ZNF560: variants seen among roughly 807,000 people sequenced by gnomAD.
ZNF560 encodes zinc finger protein 560.
A neutral mutation model predicts 81.8 loss-of-function variants in ZNF560; 54 were observed. The observed-to-expected ratio is 0.66, with a 90% CI of 0.53 to 0.83. The LOEUF is 0.83. Among genes scored for constraint, ZNF560 ranks in the 40% least tolerant of loss-of-function variants. The pLI, the probability that ZNF560 is intolerant of heterozygous loss-of-function variation, is 0.00. For missense variants in ZNF560, 940 were observed against 932.4 expected (o/e 1.01, Z -0.11); for synonymous variants, 321 against 317.9 (o/e 1.01, Z -0.10).
chr19:9,478,866 C>A (rs78580488), intron 2 of ZNF560, among the ~76,000 whole-genome samples: 7,040 of 147,898 alleles, frequency 0.048, 529 homozygotes, highest in African/African-American at 0.16. Context: ...TAAAAAAAAA[C>A]CCCACAAAAC....
intron 7 of ZNF560, 124 bp downstream of exon 7, chr19:9,470,268 A>AT (rs935635390): frequency 1.3e-5 from 16 of 1,258,888 alleles, no homozygotes; most frequent in Non-Finnish European, 1.6e-5. Context: ...ATTAAAAAAA[A>AT]TTTTTTTTCA....
intron 2 of ZNF560, among the ~76,000 whole-genome samples, chr19:9,482,995 C>T (rs1285378445): frequency 6.6e-6 from 1 of 152,162 alleles, no homozygotes; most frequent in Admixed American, 6.5e-5. Context: ...AGTGCAGTGG[C>T]GTGATCTTGG....
intron 2 of ZNF560, among the ~76,000 whole-genome samples, chr19:9,489,413 G>C (rs1003255631): frequency 1.3e-5 from 2 of 151,144 alleles, no homozygotes; most frequent in African/African-American, 4.9e-5. Flanking sequence ...TGTGGTGGCT[G>C]AGCAGAGGCG....
the ZNF560 span, among the ~76,000 whole-genome samples, chr19:9,446,265 T>C: frequency 6.6e-5 from 10 of 151,974 alleles, no homozygotes; most frequent in African/African-American, 9.7e-5. Context: ...ATTCTTCAAA[T>C]AGCTGATGCA....
intron 2 of ZNF560, among the ~76,000 whole-genome samples, chr19:9,483,621 A>C (rs2073336230): frequency 7.2e-6 from 1 of 138,938 alleles, no homozygotes. Context: ...CCCGTCTGGG[A>C]GGGAGGTGGG....
At chr19:9,459,302 A>G in the ZNF560 span, among the ~76,000 whole-genome samples, 1 of 152,234 alleles carries the variant, frequency 6.6e-6, no homozygotes, top group Non-Finnish European at 1.5e-5. Context: ...CAGCAGCTGA[A>G]AAACATTTAC....
chr19:9,455,049 G>A, the ZNF560 span, among the ~76,000 whole-genome samples: 2 of 152,068 alleles, frequency 1.3e-5, no homozygotes, highest in Non-Finnish European at 2.9e-5. Flanking sequence ...AACTGTTCGA[G>A]CAGAGCCCCG....
In ZNF560 at chr19:9,466,745, G is replaced by A. The variant is rs745493105; in HGVS notation, c.2202C>T (p.His734=). 1 of 1,614,134 alleles carries A rather than the reference G, an allele frequency of 6.2e-7. No homozygotes were observed. Among genetic ancestry groups the A allele is most frequent in the Non-Finnish European group, 8.5e-7 (1 of 1,180,006 alleles). Residue 734 remains histidine (H), a synonymous_variant, in exon 10 of 10, where the codon CAC becomes CAT. Coordinates refer to ENST00000301480, the MANE Select transcript of ZNF560 (RefSeq NM_152476.3). ...TACATTTATAGGGCTTCTCTCCAGT[G>A]TGAATTCGCACATGATTAGTAAGAT... The part of the protein sequence containing the change: ...HSDLTNHVRI[H]TGEKPYKCKE...
At chr19:9,468,389 A>T (rs2073068399) in intron 9 of ZNF560, 55 bp from the exon 10 acceptor site, 14 of 1,273,728 alleles carry the variant, frequency 1.1e-5, no homozygotes, top group Non-Finnish European at 1.5e-5. Context: ...TTATTAATAG[A>T]TACCACTCTT....
the ZNF560 span, among the ~76,000 whole-genome samples, chr19:9,506,599 AC>A: frequency 2.0e-5 from 3 of 152,124 alleles, no homozygotes; most frequent in African/African-American, 7.2e-5. Context: ...ATTTCTCCAC[AC>A]AGCTTGAGTT....
intron 2 of ZNF560, among the ~76,000 whole-genome samples, chr19:9,483,760 C>T (rs2073340470): frequency 6.6e-6 from 1 of 152,186 alleles, no homozygotes; most frequent in South Asian, 2.1e-4. Flanking sequence ...GTGAGGAGCC[C>T]CTCTGCCCGG....
At chr19:9,469,585 C>G in intron 8 of ZNF560, 45 bp downstream of exon 8, 1 of 1,566,444 alleles carries the variant, frequency 6.4e-7, no homozygotes, top group Non-Finnish European at 8.8e-7. Context: ...TCCAAACGTA[C>G]TGAGAACTTC....
At chr19:9,479,102 G>C (rs79116854) in intron 2 of ZNF560, among the ~76,000 whole-genome samples, 1 of 151,716 alleles carries the variant, frequency 6.6e-6, no homozygotes, top group East Asian at 1.9e-4. Flanking sequence ...CAGGAGAATC[G>C]CTTGAACCCA....
At chr19:9,464,848 C>G (rs542053192), downstream of ZNF560, among the ~76,000 whole-genome samples, 4 of 152,228 alleles carry the variant, frequency 2.6e-5, no homozygotes, top group Admixed American at 1.3e-4. Flanking sequence ...ACCCAGAAAG[C>G]CAGGCTTTGA....
rs182465760 is a variant in ZNF560 at position 9,477,573 on chromosome 19, G to A, written c.-56-2204C>T. 1.9e-4 allele frequency among the ~76,000 whole-genome samples: 29 copies of A among 152,314 alleles called. No homozygotes were observed. The East Asian group carries it at 2.5e-3, about 13-fold the overall frequency. On this transcript the variant is annotated intron_variant, in intron 2 of 9. Coordinates refer to ENST00000301480, the MANE Select transcript of ZNF560 (RefSeq NM_152476.3). Reference sequence around the variant, plus strand: ...TTCCAAGTAGAACACTGAAGTTAGCGTTCAGAGTTCTGCCCATTGCTCCTG... The same window carrying A: ...TTCCAAGTAGAACACTGAAGTTAGCATTCAGAGTTCTGCCCATTGCTCCTG...
upstream of ZNF560, among the ~76,000 whole-genome samples, chr19:9,501,409 A>G (rs187474641): frequency 6.2e-5 from 9 of 145,096 alleles, no homozygotes; most frequent in Non-Finnish European, 1.2e-4. Context: ...CCCAGGCTGG[A>G]TTGCAGTGGT....
chr19:9,472,632 A>T (rs1158614731), intron 5 of ZNF560, among the ~76,000 whole-genome samples: 1 of 152,176 alleles, frequency 6.6e-6, no homozygotes, highest in Non-Finnish European at 1.5e-5. Flanking sequence ...TTACAGGAAA[A>T]CAACCTCAGG....
chr19:9,461,751 A>G (rs2072934775), downstream of ZNF560, among the ~76,000 whole-genome samples: 2 of 152,044 alleles, frequency 1.3e-5, no homozygotes, highest in Non-Finnish European at 2.9e-5. Flanking sequence ...ATCACTCCTC[A>G]CCCTTATAAT....
In ZNF560 at chr19:9,482,563, C is replaced by T. The variant is rs997097596; in HGVS notation, c.-56-7194G>A. 1.4e-4 allele frequency among the ~76,000 whole-genome samples: 21 copies of T among 152,092 alleles called. 1 individual carries two copies. The highest frequency in any genetic ancestry group is 1.3e-3 in the Admixed American group (20 of 15,282). ...ATCACTTGAGACCAGGAAGTCAAGG[C>T]TGCATTGAGCCATGACTGCAGCACT... On this transcript the variant is annotated intron_variant, in intron 2 of 9. Coordinates refer to ENST00000301480, the MANE Select transcript of ZNF560 (RefSeq NM_152476.3).
Sources: gnomAD v4.1 joint callset for allele counts (sites outside exome capture counted in the v4.1 genomes callset) on GRCh38, gnomAD v4.1.1 for gene constraint, MANE v1.5 for transcripts, NCBI Gene and HGNC (gene_info 2026-07-23, HGNC 2026-07-21) for gene names.